GPC5: variants seen among roughly 807,000 people sequenced by gnomAD.
GPC5 encodes glypican 5, also known as glypican-5.
In GPC5, 47 loss-of-function variants were observed where a neutral mutation model predicts 53.9. That is an observed-to-expected ratio of 0.87 (90% CI 0.69 to 1.11). GPC5 has a LOEUF of 1.11. GPC5 is among the 50% of genes most tolerant of loss of function. The probability of loss-of-function intolerance (pLI) is 0.00; values close to 1 mark genes in which losing one functional copy is unlikely to be tolerated. For missense variants in GPC5, 748 were observed against 713.1 expected (o/e 1.05, Z -0.56); for synonymous variants, 286 against 263.3 (o/e 1.09, Z -0.84).
intron 3 of GPC5, among the ~76,000 whole-genome samples, chr13:91,726,844 T>C (rs1016745781): frequency 8.5e-5 from 13 of 152,230 alleles, no homozygotes; most frequent in African/African-American, 3.1e-4. Context: ...AGTTTTCTCA[T>C]GTGGAAATCT....
At chr13:92,713,508 T>G (rs1888217164) in intron 7 of GPC5, among the ~76,000 whole-genome samples, 1 of 149,346 alleles carries the variant, frequency 6.7e-6, no homozygotes, top group African/African-American at 2.5e-5. Flanking sequence ...CTCAGGAGGC[T>G]GAGGCAGGAG....
intron 7 of GPC5, among the ~76,000 whole-genome samples, chr13:92,566,114 A>G (rs993807213): frequency 6.6e-6 from 1 of 152,062 alleles, no homozygotes; most frequent in Non-Finnish European, 1.5e-5. Context: ...ACATATTATC[A>G]TTTAATCTTG....
chr13:92,605,617 C>G (rs1230080417), intron 7 of GPC5, among the ~76,000 whole-genome samples: 2 of 143,512 alleles, frequency 1.4e-5, no homozygotes, highest in Non-Finnish European at 3.0e-5. Context: ...GAGTCTCGCT[C>G]TGTCGCCCAG....
rs563390395 is a variant in GPC5, at chr13:91,518,745, G to C, written c.325+69823G>C. On this transcript the variant is annotated intron_variant, in intron 2 of 7. Coordinates refer to ENST00000377067, the MANE Select transcript of GPC5 (RefSeq NM_004466.6). ...TATTTTTGTATTTTTAGTAGACATG[G>C]GGTTTCACAGTGTTAGCCAGGATGG... Among the ~76,000 whole-genome samples the C allele has an allele frequency of 2.0e-5, 3 of 152,180 alleles. No individual in the cohort carries two copies. The South Asian group carries it at 6.2e-4, about 32-fold the overall frequency.
intron 7 of GPC5, among the ~76,000 whole-genome samples, chr13:92,347,313 T>C (rs1335192124): frequency 6.6e-6 from 1 of 152,082 alleles, no homozygotes; most frequent in African/African-American, 2.4e-5. Flanking sequence ...ACTCATCACA[T>C]ACAAAGAAGT....
chr13:91,999,541 T>C (rs186465898), intron 6 of GPC5, among the ~76,000 whole-genome samples: 48 of 152,310 alleles, frequency 3.2e-4, no homozygotes, highest in Admixed American at 1.0e-3. Flanking sequence ...GGATGTGGGA[T>C]GTTTTTCCAT....
intron 3 of GPC5, among the ~76,000 whole-genome samples, chr13:91,702,319 G>T (rs1225240850): frequency 6.6e-6 from 1 of 151,912 alleles, no homozygotes; most frequent in Non-Finnish European, 1.5e-5. Context: ...GTCTATTTTT[G>T]CTCTTGTGGC....
chr13:91,636,085 T>C (rs1316700935), intron 2 of GPC5, among the ~76,000 whole-genome samples: 1 of 152,108 alleles, frequency 6.6e-6, no homozygotes, highest in East Asian at 1.9e-4. Context: ...CTGTATAGTT[T>C]CTTAGTATTT....
At chr13:92,341,156 A>G (rs2043363153) in intron 7 of GPC5, among the ~76,000 whole-genome samples, 1 of 152,172 alleles carries the variant, frequency 6.6e-6, no homozygotes, top group Admixed American at 6.6e-5. Context: ...AGATTAGTTG[A>G]TAAAATAGTT....
At chr13:92,837,617 G>T (rs1878262004) in intron 7 of GPC5, among the ~76,000 whole-genome samples, 1 of 152,140 alleles carries the variant, frequency 6.6e-6, no homozygotes, top group Non-Finnish European at 1.5e-5. Context: ...GTAATGTAGA[G>T]TAAGGGTTAA....
At chr13:92,673,287 T>TC (rs1886817244) in intron 7 of GPC5, among the ~76,000 whole-genome samples, 1 of 144,858 alleles carries the variant, frequency 6.9e-6, no homozygotes, top group Non-Finnish European at 1.5e-5. Context: ...TTTTTCTTTT[T>TC]CTTTTTTTTT....
chr13:91,767,930 C>A (rs569651931), intron 5 of GPC5, among the ~76,000 whole-genome samples: 19 of 152,306 alleles, frequency 1.2e-4, no homozygotes, highest in Admixed American at 1.2e-3. Context: ...GTCTTCAAGG[C>A]TCCAGGATGC....
intron 7 of GPC5, among the ~76,000 whole-genome samples, chr13:92,617,226 C>T (rs1884718934): frequency 6.6e-6 from 1 of 152,148 alleles, no homozygotes; most frequent in South Asian, 2.1e-4. Context: ...AGGTTGTCCG[C>T]TGTAACGTCT....
chr13:92,374,200 A>C (rs2043673824), intron 7 of GPC5, among the ~76,000 whole-genome samples: 1 of 152,178 alleles, frequency 6.6e-6, no homozygotes, highest in Non-Finnish European at 1.5e-5. Context: ...AGAAACTTTC[A>C]GAAATAGGGT....
chr13:92,324,306 CA>C (rs1416316716), intron 7 of GPC5, among the ~76,000 whole-genome samples: 2 of 151,728 alleles, frequency 1.3e-5, no homozygotes, highest in Non-Finnish European at 2.9e-5. Flanking sequence ...TGTGAAATAC[CA>C]AAAACCTCTA....
At position 91,729,223 on chromosome 13, in the gene GPC5, A is replaced by G. The variant is rs189885663; in HGVS notation, c.1154+558A>G. On this transcript the variant is annotated intron_variant, in intron 4 of 7. Transcript: ENST00000377067. The stretch of plus-strand genomic sequence containing the variant: ...TGATTCAAAATAATACACATCCCAT[A>G]GGGCTCGCTAACTCACATTTCTACC... Among the ~76,000 whole-genome samples the G allele has an allele frequency of 3.7e-3, 557 of 152,288 alleles. 3 individuals are homozygous for G. The highest frequency in any genetic ancestry group is 5.6e-3 in the Non-Finnish European group (380 of 68,020).
chr13:92,668,503 T>C (rs1886645167), intron 7 of GPC5, among the ~76,000 whole-genome samples: 1 of 152,156 alleles, frequency 6.6e-6, no homozygotes, highest in Non-Finnish European at 1.5e-5. Context: ...TGTTTAACTT[T>C]AAATAAGAGA....
chr13:92,059,215 G>T (rs1461539479), intron 6 of GPC5, among the ~76,000 whole-genome samples: 20 of 151,432 alleles, frequency 1.3e-4, no homozygotes, highest in African/African-American at 4.4e-4. Context: ...TCTTAGATGA[G>T]AAGACCACAA....
intron 6 of GPC5, among the ~76,000 whole-genome samples, chr13:92,119,208 C>T (rs1343067576): frequency 3.3e-5 from 5 of 152,022 alleles, no homozygotes; most frequent in East Asian, 1.9e-4. Flanking sequence ...ACCATCAGCT[C>T]TCATGAGACT....
Sources: allele counts gnomAD v4.1 joint callset (sites outside exome capture counted in the v4.1 genomes callset), GRCh38; gene constraint gnomAD v4.1.1; transcripts MANE v1.5; gene names NCBI Gene and HGNC (gene_info 2026-07-23, HGNC 2026-07-21).